Variants in LIX1 observed in about 807,000 individuals in gnomAD.
LIX1 encodes the protein limb and CNS expressed 1, also known as protein limb expression 1 homolog.
In LIX1, 24 loss-of-function variants were observed where a neutral mutation model predicts 33.4. The observed-to-expected ratio is 0.72, with a 90% CI of 0.52 to 1.01. LIX1 has a LOEUF of 1.01. LIX1 is among the 50% of genes least tolerant of loss of function. The pLI is 0.00. For missense variants in LIX1, 311 were observed against 339.2 expected, an observed-to-expected ratio of 0.92 and a Z score of 0.65; for synonymous variants, 124 against 124.0, an observed-to-expected ratio of 1.00 and a Z score of 0.00.
At chr5:97,109,153 C>G (rs755998489) in intron 2 of LIX1, among the ~76,000 whole-genome samples, 1 of 152,162 alleles carries the variant, frequency 6.6e-6, no homozygotes, top group Non-Finnish European at 1.5e-5. Context: ...TTCCCTCAAA[C>G]CTTCTAGAAC....
At position 97,096,831 on chromosome 5, in the gene LIX1, A is replaced by G; in HGVS notation, c.540T>C (p.Arg180=). The G allele has an allele frequency of 6.2e-7, 1 of 1,613,926 alleles. No individual in the cohort carries two copies. Among genetic ancestry groups the G allele is most frequent in the Non-Finnish European group, 8.5e-7 (1 of 1,179,768 alleles). ...TTACCTGTCGGGAACACTTTGTTTC[A>G]CGAAGGGCTTTTAGGCTTCCATTCC... The part of the protein sequence containing the change: ...LHWNGSLKAL[R]ETKCSRQEVI... The change falls in exon 5 of 6, where the codon CGT becomes CGC. Residue 180 remains arginine, a synonymous_variant. Coordinates refer to ENST00000274382, the MANE Select transcript of LIX1 (RefSeq NM_153234.5).
intron 3 of LIX1, among the ~76,000 whole-genome samples, chr5:97,105,767 G>A (rs780027499): frequency 3.5e-4 from 53 of 152,188 alleles, no homozygotes; most frequent in Non-Finnish European, 5.9e-4. Context: ...TGGAGACATG[G>A]ATCATGGTTT....
intron 4 of LIX1, among the ~76,000 whole-genome samples, chr5:97,100,273 T>A (rs1746624120): frequency 6.6e-6 from 1 of 152,160 alleles, no homozygotes; most frequent in East Asian, 1.9e-4. Flanking sequence ...ACTGCTTTCG[T>A]CTCCAGGATG....
Position 97,093,104 on chromosome 5 carries a change from T to A in LIX1, c.*1644A>T, listed in dbSNP as rs573582896. On this transcript the variant is annotated 3_prime_UTR_variant, in exon 6 of 6. Transcript: ENST00000274382. ...GTATGACAATTATGTAGCTAATTGT[T>A]CCCCTGGTGTGAGATATGTGATACA... is the stretch of plus-strand genomic sequence containing the variant. 2 of 152,390 alleles carry A rather than the reference T, an allele frequency of 1.3e-5. No homozygotes were observed. The highest frequency in any genetic ancestry group is 4.8e-5 in the African/African-American group (2 of 41,568). 9.4% of individuals were successfully genotyped at this position (152,390 alleles called of 1,614,324 possible).
rs1746094940 is a variant in LIX1 at position 97,092,036 on chromosome 5, AG to A, written c.*2711del. The A allele has an allele frequency of 6.6e-6, 1 of 152,336 alleles. No homozygotes were observed. Among genetic ancestry groups the A allele is most frequent in the Non-Finnish European group, 1.5e-5 (1 of 68,026 alleles). 9.4% of individuals were successfully genotyped at this position (152,336 alleles called of 1,614,324 possible). ...CAAACACAGTGCAATTTTGGATTTC[AG>A]GATTATGACAGTTGTGTTAGAAACA... On this transcript the variant is annotated 3_prime_UTR_variant, in exon 6 of 6. Transcript: ENST00000274382.
rs547290102 is a variant in LIX1 at position 97,112,709 on chromosome 5, T to G, written c.247-5209A>C. 5.9e-5 allele frequency among the ~76,000 whole-genome samples: 9 copies of G among 152,204 alleles called. No homozygotes were observed. The East Asian group carries it at 1.7e-3, about 29-fold the overall frequency. On this transcript the variant is annotated intron_variant, in intron 2 of 5. Coordinates refer to ENST00000274382, the MANE Select transcript of LIX1 (RefSeq NM_153234.5). ...CCAGCAGACCTCATTCAGACATTTA[T>G]TTTGATGTTCAGATGCCTTTCATTT...
intron 1 of LIX1, among the ~76,000 whole-genome samples, chr5:97,140,152 G>A (rs1446353461): frequency 2.6e-5 from 4 of 152,162 alleles, no homozygotes; most frequent in Non-Finnish European, 4.4e-5. Flanking sequence ...TATAACCAAA[G>A]AGTGAAGAGA....
intron 4 of LIX1, among the ~76,000 whole-genome samples, chr5:97,100,760 G>A (rs943190973): frequency 3.3e-5 from 5 of 151,944 alleles, no homozygotes; most frequent in African/African-American, 1.2e-4. Context: ...TATTCTACCT[G>A]GAGAAGCTCT....
chr5:97,111,333 T>C (rs1747383711), intron 2 of LIX1, among the ~76,000 whole-genome samples: 1 of 152,260 alleles, frequency 6.6e-6, no homozygotes, highest in African/African-American at 2.4e-5. Context: ...ACTTTTTATT[T>C]TTTTTAAATG....
intron 4 of LIX1, among the ~76,000 whole-genome samples, chr5:97,101,557 C>T (rs1178074785): frequency 6.6e-6 from 1 of 152,174 alleles, no homozygotes; most frequent in African/African-American, 2.4e-5. Context: ...TGTTTTCTTT[C>T]CTCTTCGGGG....
At chr5:97,125,118 G>T (rs1747885662) in intron 1 of LIX1, among the ~76,000 whole-genome samples, 2 of 152,158 alleles carry the variant, frequency 1.3e-5, no homozygotes. Flanking sequence ...ACTCTTTCAT[G>T]CTCCTTCCAC....
At chr5:97,124,389 TGTTACCAGTTTACAAAAAG>T in intron 2 of LIX1, 58 bp downstream of exon 2, 1 of 1,249,058 alleles carries the variant, frequency 8.0e-7, no homozygotes, top group East Asian at 2.4e-5. Context: ...AAATTTGTAA[TGTTACCAGTTTACAAAAAG>T]GTTTACTTTA....
At chr5:97,106,941 C>T (rs981761645) in intron 3 of LIX1, among the ~76,000 whole-genome samples, 2 of 152,132 alleles carry the variant, frequency 1.3e-5, no homozygotes, top group South Asian at 2.1e-4. Flanking sequence ...CTGGGGAATT[C>T]GCACTTCCAG....
In LIX1 at chr5:97,138,520, C is replaced by A. The variant is rs146407039; in HGVS notation, c.82+3975G>T. The stretch of plus-strand genomic sequence containing the variant: ...AACATAAGGCCATAAACTTCCAGAA[C>A]TAATTTACTGTTAACTCCAATGGCT... On this transcript the variant is annotated intron_variant, in intron 1 of 5. Coordinates refer to ENST00000274382, the MANE Select transcript of LIX1 (RefSeq NM_153234.5). Among the ~76,000 whole-genome samples the A allele has an allele frequency of 3.3e-3, 509 of 152,330 alleles. 1 individual carries two copies. The highest frequency in any genetic ancestry group is 0.012 in the African/African-American group (490 of 41,578).
At chr5:97,109,641 C>T (rs769109785) in intron 2 of LIX1, among the ~76,000 whole-genome samples, 1 of 151,848 alleles carries the variant, frequency 6.6e-6, no homozygotes, top group Non-Finnish European at 1.5e-5. Flanking sequence ...AGTTCTTTTG[C>T]GGTGATTTCT....
chr5:97,136,676 G>A (rs1402723179), intron 1 of LIX1, among the ~76,000 whole-genome samples: 1 of 152,114 alleles, frequency 6.6e-6, no homozygotes, highest in Non-Finnish European at 1.5e-5. Flanking sequence ...GTGACGAAAT[G>A]ATGGTTTCTC....
At chr5:97,117,921 G>GA (rs3041175) in intron 2 of LIX1, among the ~76,000 whole-genome samples, 365 of 140,238 alleles carry the variant, frequency 2.6e-3, no homozygotes, top group African/African-American at 4.7e-3. Flanking sequence ...GTTACAAATG[G>GA]AAAAAAAAAA....
intron 4 of LIX1, chr5:97,103,166 T>C (rs1746810847): frequency 2.4e-6 from 1 of 424,392 alleles, no homozygotes; most frequent in Non-Finnish European, 4.6e-6. Flanking sequence ...ATTATTCCTC[T>C]GTTTAGTTTT....
chr5:97,099,927 G>A (rs1232821736), intron 4 of LIX1, among the ~76,000 whole-genome samples: 1 of 152,138 alleles, frequency 6.6e-6, no homozygotes, highest in Non-Finnish European at 1.5e-5. Flanking sequence ...CACATATACT[G>A]GATTTATTTT....
Sources: allele counts gnomAD v4.1 joint callset (sites outside exome capture counted in the v4.1 genomes callset), GRCh38; gene constraint gnomAD v4.1.1; transcripts MANE v1.5; gene names NCBI Gene and HGNC (gene_info 2026-07-23, HGNC 2026-07-21).